Variants in LRRTM4 observed in about 807,000 individuals in gnomAD.
LRRTM4 encodes leucine rich repeat transmembrane neuronal 4.
A neutral mutation model predicts 47.6 loss-of-function variants in LRRTM4; 25 were observed. That is an observed-to-expected ratio of 0.53 (90% CI 0.38 to 0.73). The LOEUF (loss-of-function observed/expected upper bound fraction) is 0.73, where lower values mean the gene tolerates loss of function less well. Ranked by LOEUF, LRRTM4 falls within the 30% of genes least tolerant of loss-of-function variation. The pLI, the probability that LRRTM4 is intolerant of heterozygous loss-of-function variation, is 0.00. For missense variants in LRRTM4, 638 were observed against 713.4 expected (o/e 0.89, Z 1.20); for synonymous variants, 311 against 269.5 (o/e 1.15, Z -1.51).
chr2:76,996,777 A>C (rs537058264), intron 3 of LRRTM4, among the ~76,000 whole-genome samples: 1 of 152,266 alleles, frequency 6.6e-6, no homozygotes, highest in South Asian at 2.1e-4. Context: ...AAAATGTTAA[A>C]ATGAAATTAA....
intron 3 of LRRTM4, among the ~76,000 whole-genome samples, chr2:77,057,234 G>T (rs1182061076): frequency 6.6e-6 from 1 of 152,148 alleles, no homozygotes; most frequent in Non-Finnish European, 1.5e-5. Context: ...AATTAAATTT[G>T]AGGGAGAATC....
At chr2:76,912,435 A>C (rs1674102607) in intron 3 of LRRTM4, among the ~76,000 whole-genome samples, 1 of 152,210 alleles carries the variant, frequency 6.6e-6, no homozygotes, top group African/African-American at 2.4e-5. Flanking sequence ...TGCTTGGATA[A>C]GTCTCATTAT....
chr2:76,837,950 G>T (rs953398276), intron 3 of LRRTM4, among the ~76,000 whole-genome samples: 1 of 151,746 alleles, frequency 6.6e-6, no homozygotes, highest in African/African-American at 2.4e-5. Context: ...GTGGGGGTAG[G>T]GGGGAGGGAT....
At chr2:77,186,566 A>C (rs568589543) in intron 3 of LRRTM4, among the ~76,000 whole-genome samples, 7 of 152,224 alleles carry the variant, frequency 4.6e-5, no homozygotes, top group Admixed American at 3.3e-4. Flanking sequence ...TTCTCAAAAA[A>C]TAAAAAATAA....
At chr2:76,787,114 TGAAAG>T (rs1469177375) in intron 3 of LRRTM4, among the ~76,000 whole-genome samples, 1 of 151,960 alleles carries the variant, frequency 6.6e-6, no homozygotes, top group Non-Finnish European at 1.5e-5. Flanking sequence ...GCAAGGGAAA[TGAAAG>T]GACTGTGTTC....
intron 3 of LRRTM4, among the ~76,000 whole-genome samples, chr2:76,786,393 T>G (rs1432465322): frequency 6.6e-6 from 1 of 152,076 alleles, no homozygotes; most frequent in East Asian, 1.9e-4. Flanking sequence ...CCCCCAAGAC[T>G]CCTAACATTT....
intron 3 of LRRTM4, among the ~76,000 whole-genome samples, chr2:76,947,186 TAAGTAGTAGTAG>T (rs1428482372): frequency 6.6e-6 from 1 of 151,866 alleles, no homozygotes; most frequent in Non-Finnish European, 1.5e-5. Context: ...CTGATAATAA[TAAGTAGTAGTAG>T]AAGTAGAACT....
At chr2:77,286,270 A>G (rs1425596275) in intron 3 of LRRTM4, among the ~76,000 whole-genome samples, 2 of 152,076 alleles carry the variant, frequency 1.3e-5, no homozygotes, top group East Asian at 1.9e-4. Context: ...ATCTCAGTCA[A>G]TAATTAAATA....
chr2:77,134,453 T>C (rs1396769713), intron 3 of LRRTM4, among the ~76,000 whole-genome samples: 1 of 152,162 alleles, frequency 6.6e-6, no homozygotes, highest in African/African-American at 2.4e-5. Context: ...CAACAAGAAG[T>C]TCAGGATTCT....
chr2:77,477,893 AAAAGAAAGAAAAAGAAAG>A (rs59582195), intron 3 of LRRTM4, among the ~76,000 whole-genome samples: 1,417 of 114,300 alleles, frequency 0.012, 16 homozygotes, highest in Admixed American at 0.022. Flanking sequence ...GAAAGAAAGA[AAAAGAAAGAAAAAGAAAG>A]AAAGAAAGAA....
chr2:76,894,731 G>A (rs1039455661), intron 3 of LRRTM4, among the ~76,000 whole-genome samples: 1 of 151,744 alleles, frequency 6.6e-6, no homozygotes, highest in Admixed American at 6.6e-5. Flanking sequence ...CTGGAAAACT[G>A]ACTTGATTGT....
At chr2:76,802,328 A>G (rs1023265748) in intron 3 of LRRTM4, among the ~76,000 whole-genome samples, 7 of 152,096 alleles carry the variant, frequency 4.6e-5, no homozygotes, top group Non-Finnish European at 7.4e-5. Flanking sequence ...TATATATACT[A>G]ACAACAAACT....
At chr2:76,948,733 G>T (rs1476831170) in intron 3 of LRRTM4, among the ~76,000 whole-genome samples, 3 of 151,726 alleles carry the variant, frequency 2.0e-5, no homozygotes, top group Non-Finnish European at 4.4e-5. Flanking sequence ...AAGTAATAAT[G>T]ATTTGCCACA....
At chr2:76,971,912 T>TA (rs1676233088) in intron 3 of LRRTM4, among the ~76,000 whole-genome samples, 1 of 152,084 alleles carries the variant, frequency 6.6e-6, no homozygotes, top group Admixed American at 6.6e-5. Flanking sequence ...TGCTTCTCTA[T>TA]AAAATGAGGA....
intron 3 of LRRTM4, among the ~76,000 whole-genome samples, chr2:76,781,218 C>T (rs1010616614): frequency 6.6e-6 from 1 of 152,236 alleles, no homozygotes; most frequent in Non-Finnish European, 1.5e-5. Context: ...TTGTCTGTGC[C>T]CTGCCCCCAG....
At chr2:77,235,001 C>A (rs577119767) in intron 3 of LRRTM4, among the ~76,000 whole-genome samples, 34 of 152,230 alleles carry the variant, frequency 2.2e-4, no homozygotes, top group African/African-American at 7.7e-4. Flanking sequence ...TCCATTATTG[C>A]AGTAATTTGC....
intron 3 of LRRTM4, among the ~76,000 whole-genome samples, chr2:77,278,369 G>A (rs1353284713): frequency 1.3e-5 from 2 of 152,004 alleles, no homozygotes; most frequent in African/African-American, 2.4e-5. Flanking sequence ...TTCTTTGCAT[G>A]TAACATTGTC....
At chr2:77,447,171 C>G (rs932888494) in intron 3 of LRRTM4, among the ~76,000 whole-genome samples, 6 of 149,308 alleles carry the variant, frequency 4.0e-5, no homozygotes, top group African/African-American at 1.2e-4. Flanking sequence ...TTCTCCAATA[C>G]TTTAAAAACT....
At chr2:77,366,352 T>G (rs925697027) in intron 3 of LRRTM4, among the ~76,000 whole-genome samples, 4 of 152,058 alleles carry the variant, frequency 2.6e-5, no homozygotes, top group African/African-American at 9.6e-5. Flanking sequence ...AGTTATTCCT[T>G]CTGTCTTTGC....
Sources: allele counts gnomAD v4.1 joint callset (sites outside exome capture counted in the v4.1 genomes callset), GRCh38; gene constraint gnomAD v4.1.1; transcripts MANE v1.5; gene names NCBI Gene and HGNC (gene_info 2026-07-23, HGNC 2026-07-21).